Variants in SLC67A2 observed in about 807,000 individuals in gnomAD.
SLC67A2 encodes solute carrier family 67 member A2.
the SLC67A2 span, chr2:102,736,826 G>C: frequency 2.5e-6 from 4 of 1,590,930 alleles, no homozygotes; most frequent in Middle Eastern, 2.0e-4. Flanking sequence ...CGCCGGCCGG[G>C]GGTCGGACGC....
chr2:102,721,673 G>GTA, the SLC67A2 span, among the ~76,000 whole-genome samples: 1 of 151,726 alleles, frequency 6.6e-6, no homozygotes. Flanking sequence ...GTGTGTGTGT[G>GTA]TGTGTGTGTC....
chr2:102,717,384 T>G, the SLC67A2 span: 1 of 152,354 alleles, frequency 6.6e-6, no homozygotes, highest in South Asian at 2.1e-4. Flanking sequence ...TGGTCTGGCA[T>G]GACTCCTGAC....
At chr2:102,719,591 TCCATCTATCCAA>T in the SLC67A2 span, among the ~76,000 whole-genome samples, 2 of 152,214 alleles carry the variant, frequency 1.3e-5, no homozygotes, top group East Asian at 1.9e-4. Context: ...GTAACATCCA[TCCATCTATCCAA>T]CCATCTAGAC....
chr2:102,727,068 G>A, the SLC67A2 span: 11 of 1,396,070 alleles, frequency 7.9e-6, no homozygotes, highest in Non-Finnish European at 1.1e-5. Context: ...GGAAAACAAT[G>A]GAAGATTCAG....
chr2:102,732,499 A>G, the SLC67A2 span: 2 of 1,074,192 alleles, frequency 1.9e-6, no homozygotes, highest in South Asian at 1.7e-5. Context: ...AATAAAACCA[A>G]TATCTAAAAT....
At chr2:102,734,746 T>C in the SLC67A2 span, among the ~76,000 whole-genome samples, 2 of 152,200 alleles carry the variant, frequency 1.3e-5, no homozygotes, top group Non-Finnish European at 2.9e-5. Flanking sequence ...TTCTCTTGAA[T>C]ACATTATTAA....
chr2:102,718,944 G>A, the SLC67A2 span: 4 of 1,614,266 alleles, frequency 2.5e-6, no homozygotes, highest in South Asian at 4.4e-5. Context: ...CTGTAGTACA[G>A]CATGACTGCC....
the SLC67A2 span, among the ~76,000 whole-genome samples, chr2:102,733,032 A>G: frequency 1.3e-5 from 2 of 152,238 alleles, no homozygotes; most frequent in African/African-American, 4.8e-5. Flanking sequence ...AGGGTAGAAC[A>G]GTAATACCTG....
chr2:102,721,800 G>A, the SLC67A2 span, among the ~76,000 whole-genome samples: 1 of 152,116 alleles, frequency 6.6e-6, no homozygotes, highest in African/African-American at 2.4e-5. Flanking sequence ...GACCTCCTGG[G>A]CTCAAACAAT....
At chr2:102,719,331 A>G in the SLC67A2 span, 1 of 985,714 alleles carries the variant, frequency 1.0e-6, no homozygotes, top group East Asian at 2.6e-5. Flanking sequence ...TAAATTTACT[A>G]GTCTGTATTT....
chr2:102,726,623 C>T, the SLC67A2 span, among the ~76,000 whole-genome samples: 14 of 152,082 alleles, frequency 9.2e-5, no homozygotes, highest in African/African-American at 2.9e-4. Flanking sequence ...TGCTCGCGCA[C>T]GCACACACAC....
the SLC67A2 span, chr2:102,716,963 G>A: frequency 6.6e-6 from 1 of 152,192 alleles, no homozygotes; most frequent in Non-Finnish European, 1.5e-5. Context: ...GACAAGAAAT[G>A]GCACATCAAA....
chr2:102,719,172 G>A, the SLC67A2 span: 1 of 1,613,504 alleles, frequency 6.2e-7, no homozygotes, highest in Non-Finnish European at 8.5e-7. Context: ...GTACTGCCCG[G>A]TTTTGCTTCC....
At chr2:102,724,475 A>C in the SLC67A2 span, among the ~76,000 whole-genome samples, 1 of 152,194 alleles carries the variant, frequency 6.6e-6, no homozygotes, top group Non-Finnish European at 1.5e-5. Flanking sequence ...TGTTGAACAA[A>C]TTGAATGCTG....
chr2:102,721,952 C>T, the SLC67A2 span, among the ~76,000 whole-genome samples: 1,826 of 152,286 alleles, frequency 0.012, 41 homozygotes, highest in African/African-American at 0.042. Context: ...GCAATCCTCG[C>T]GCTTCAGCCT....
At chr2:102,735,368 G>A in the SLC67A2 span, among the ~76,000 whole-genome samples, 1 of 152,194 alleles carries the variant, frequency 6.6e-6, no homozygotes, top group Non-Finnish European at 1.5e-5. Context: ...ACATAGAGTT[G>A]CTACCAACTG....
At chr2:102,725,007 G>T in the SLC67A2 span, among the ~76,000 whole-genome samples, 1 of 152,302 alleles carries the variant, frequency 6.6e-6, no homozygotes, top group Non-Finnish European at 1.5e-5. Flanking sequence ...AAATTGTATT[G>T]ATGTCAGGTT....
chr2:102,735,975 C>A, the SLC67A2 span, among the ~76,000 whole-genome samples: 1 of 152,112 alleles, frequency 6.6e-6, no homozygotes, highest in Non-Finnish European at 1.5e-5. Context: ...ACCGAGAGCT[C>A]TAGTGAAAAT....
the SLC67A2 span, among the ~76,000 whole-genome samples, chr2:102,729,342 A>C: frequency 6.6e-6 from 1 of 152,234 alleles, no homozygotes; most frequent in East Asian, 1.9e-4. Flanking sequence ...GAGTATAAAA[A>C]AATTAAGCAA....
Sources: allele counts gnomAD v4.1 joint callset (sites outside exome capture counted in the v4.1 genomes callset), GRCh38; gene constraint gnomAD v4.1.1; transcripts MANE v1.5; gene names NCBI Gene and HGNC (gene_info 2026-07-23, HGNC 2026-07-21).